FA2H: variants seen among roughly 807,000 people sequenced by gnomAD.
FA2H encodes fatty acid 2-hydroxylase, also known as fatty acid alpha-hydroxylase.
Under a neutral mutation model 44.9 loss-of-function variants are expected in FA2H, and 22 were observed. That is an observed-to-expected ratio of 0.49 (90% CI 0.35 to 0.70). The LOEUF is 0.70. FA2H is among the 30% of genes least tolerant of loss of function. FA2H has a pLI of 0.01. For synonymous variants in FA2H, 243 were observed against 213.2 expected, an observed-to-expected ratio of 1.14 and a Z score of -1.22; for missense variants, 501 against 504.9, an observed-to-expected ratio of 0.99 and a Z score of 0.07.
chr16:74,727,467 C>T, intron 2 of FA2H, 81 bp from the exon 3 acceptor site: 1 of 1,441,592 alleles, frequency 6.9e-7, no homozygotes, highest in Non-Finnish European at 9.7e-7. Context: ...TACAGCATCC[C>T]AATCCCCTGC....
chr16:74,766,002 T>C (rs573215616), intron 1 of FA2H, among the ~76,000 whole-genome samples: 30 of 152,188 alleles, frequency 2.0e-4, no homozygotes, highest in South Asian at 1.9e-3. Context: ...AGTGGAAATA[T>C]GTTAAATAAG....
At chr16:74,754,865 G>A (rs1233541952) in intron 1 of FA2H, among the ~76,000 whole-genome samples, 3 of 152,136 alleles carry the variant, frequency 2.0e-5, no homozygotes, top group Middle Eastern at 3.4e-3. Flanking sequence ...GTAAGATGAG[G>A]TCATGCTAGA....
At chr16:74,756,693 T>C (rs970028553) in intron 1 of FA2H, among the ~76,000 whole-genome samples, 6 of 152,034 alleles carry the variant, frequency 3.9e-5, no homozygotes, top group African/African-American at 1.5e-4. Flanking sequence ...CCTAAATAAC[T>C]ATATATGTAA....
intron 1 of FA2H, among the ~76,000 whole-genome samples, chr16:74,762,347 C>A (rs530381831): frequency 1.3e-5 from 2 of 151,770 alleles, no homozygotes; most frequent in South Asian, 4.2e-4. Context: ...CCGGCCCATA[C>A]AATTTTTTTG....
At position 74,714,156 on chromosome 16, in the gene FA2H, CGGGCTGA is replaced by C. The variant is rs1567631362; in HGVS notation, c.*27_*33del. The C allele has an allele frequency of 2.8e-6, 4 of 1,428,584 alleles. No individual in the cohort carries two copies. The highest frequency in any genetic ancestry group is 3.9e-6 in the Non-Finnish European group (4 of 1,036,798). The allele number at this position is 1,428,584 out of a possible 1,614,324, so 88.5% of individuals were successfully genotyped here. A position where few individuals can be genotyped will look rare whatever the true frequency, so the allele number is the denominator to read the frequency against. On this transcript the variant is annotated 3_prime_UTR_variant, in exon 7 of 7. Transcript: ENST00000219368. ...GTGGGGGTCGGGAAGGGGCCAGGGC[CGGGCTGA>C]GGGCAGGACGGAGGGGGTGGGAGTT...
chr16:74,756,775 TACTGG>T (rs1182776453), intron 1 of FA2H, among the ~76,000 whole-genome samples: 10 of 152,132 alleles, frequency 6.6e-5, no homozygotes, highest in Non-Finnish European at 1.5e-4. Flanking sequence ...TCAATAAATC[TACTGG>T]GAAAACTGGT....
chr16:74,765,957 T>A (rs1287672477), intron 1 of FA2H, among the ~76,000 whole-genome samples: 1 of 152,094 alleles, frequency 6.6e-6, no homozygotes, highest in East Asian at 1.9e-4. Context: ...AGTTTACAGA[T>A]TAGTAGACAA....
chr16:74,743,870 A>C (rs572840124), intron 1 of FA2H, among the ~76,000 whole-genome samples: 1 of 152,360 alleles, frequency 6.6e-6, no homozygotes, highest in East Asian at 1.9e-4. Context: ...GGAGACTCCA[A>C]GGAAAACCAG....
chr16:74,758,160 G>A lies in FA2H; in HGVS notation c.270+16326C>T, dbSNP rs367851410. Among the ~76,000 whole-genome samples, 63 of 132,902 alleles carry A rather than the reference G, an allele frequency of 4.7e-4. 1 individual carries two copies. In the East Asian group the frequency reaches 8.8e-3, roughly 19 times the overall value. 87.2% of individuals were successfully genotyped at this position (132,902 alleles called of 152,430 possible). A position where few individuals can be genotyped will look rare whatever the true frequency, so the allele number is the denominator to read the frequency against. On this transcript the variant is annotated intron_variant, in intron 1 of 6. Coordinates refer to ENST00000219368, the MANE Select transcript of FA2H (RefSeq NM_024306.5). ...TTTTGAGACGGAGTCTCGGACTGTC[G>A]CCCGGGCTGGAGTGCAATGGTGTGA...
chr16:74,725,905 A>T, intron 4 of FA2H: 1 of 380,684 alleles, frequency 2.6e-6, no homozygotes, highest in Non-Finnish European at 5.1e-6. Flanking sequence ...TTAGCAAAGA[A>T]TCCCACATCA....
At chr16:74,753,693 T>A (rs1032740000) in intron 1 of FA2H, among the ~76,000 whole-genome samples, 18 of 151,874 alleles carry the variant, frequency 1.2e-4, no homozygotes, top group African/African-American at 4.4e-4. Flanking sequence ...AATAACCCCA[T>A]AAGCACTGCC....
intron 1 of FA2H, among the ~76,000 whole-genome samples, chr16:74,748,275 C>T (rs1447626266): frequency 1.3e-5 from 2 of 152,212 alleles, no homozygotes; most frequent in Non-Finnish European, 2.9e-5. Context: ...TTAGTGCAAA[C>T]CTTGTTCTAT....
intron 1 of FA2H, among the ~76,000 whole-genome samples, chr16:74,755,343 CT>C (rs1021942355): frequency 5.3e-5 from 8 of 151,940 alleles, no homozygotes; most frequent in African/African-American, 1.7e-4. Flanking sequence ...CCACACCCAG[CT>C]AATTTTTGTA....
chr16:74,732,685 C>T (rs140267933), intron 2 of FA2H, among the ~76,000 whole-genome samples: 1 of 152,184 alleles, frequency 6.6e-6, no homozygotes, highest in African/African-American at 2.4e-5. Flanking sequence ...GTGATCTTGC[C>T]TCGGCCTCCC....
chr16:74,752,866 C>T (rs1176948165), intron 1 of FA2H, among the ~76,000 whole-genome samples: 4 of 152,084 alleles, frequency 2.6e-5, no homozygotes, highest in African/African-American at 7.2e-5. Context: ...GGAGTGAAGG[C>T]GGGAGGCCAT....
At position 74,774,594 on chromosome 16, in the gene FA2H, C is replaced by T. The variant is rs778018677; in HGVS notation, c.162G>A (p.Ala54=). ...CCAGGTCGGCGCTGATGTCCTGGCC[C>T]GCCCTGGCCCGCAGCAGCTGCTCGC... The part of the protein sequence containing the change: ...PGGEQLLRAR[A]GQDISADLDG... The change falls in exon 1 of 7, where the codon GCG becomes GCA. Residue 54 remains alanine, a synonymous_variant. Transcript: ENST00000219368. 18 of 1,526,110 alleles carry T rather than the reference C, an allele frequency of 1.2e-5. No homozygotes were observed. Among genetic ancestry groups the T allele is most frequent in the Non-Finnish European group, 1.5e-5 (17 of 1,145,864 alleles). The allele number at this position is 1,526,110 out of a possible 1,614,324, so 94.5% of individuals were successfully genotyped here.
intron 1 of FA2H, among the ~76,000 whole-genome samples, chr16:74,754,131 C>A (rs888942760): frequency 7.2e-5 from 11 of 152,178 alleles, no homozygotes; most frequent in African/African-American, 9.7e-5. Context: ...CACAGTGGCT[C>A]ACGCCTGTAA....
At chr16:74,719,333 G>A (rs1326915065) in intron 4 of FA2H, among the ~76,000 whole-genome samples, 173 bp from the exon 5 acceptor site, 1 of 152,196 alleles carries the variant, frequency 6.6e-6, no homozygotes, top group Non-Finnish European at 1.5e-5. Flanking sequence ...GGAGGCTGTA[G>A]GACTCTGGTC....
At chr16:74,736,465 T>A (rs1023660972) in intron 2 of FA2H, among the ~76,000 whole-genome samples, 5 of 152,164 alleles carry the variant, frequency 3.3e-5, no homozygotes, top group Non-Finnish European at 7.3e-5. Flanking sequence ...GCTATCTTCC[T>A]GAGTTCTCAG....
Sources: allele counts gnomAD v4.1 joint callset (sites outside exome capture counted in the v4.1 genomes callset), GRCh38; gene constraint gnomAD v4.1.1; transcripts MANE v1.5; gene names NCBI Gene and HGNC (gene_info 2026-07-23, HGNC 2026-07-21).